TSHZ3: variants seen among roughly 807,000 people sequenced by gnomAD.
TSHZ3 encodes the protein teashirt zinc finger homeobox 3.
A neutral mutation model predicts 64.5 loss-of-function variants in TSHZ3; 10 were observed. The observed-to-expected ratio is 0.16, with a 90% CI of 0.10 to 0.26. The LOEUF (loss-of-function observed/expected upper bound fraction) is 0.26, where lower values mean the gene tolerates loss of function less well. Among genes scored for constraint, TSHZ3 ranks in the 10% least tolerant of loss-of-function variants. The pLI, the probability that TSHZ3 is intolerant of heterozygous loss-of-function variation, is 1.00. For synonymous variants in TSHZ3, 608 were observed against 593.1 expected, an observed-to-expected ratio of 1.03 and a Z score of -0.36; for missense variants, 1,242 against 1,421.7, an observed-to-expected ratio of 0.87 and a Z score of 2.03.
chr19:31,325,163 C>T (rs898243771), intron 1 of TSHZ3, among the ~76,000 whole-genome samples: 5 of 152,162 alleles, frequency 3.3e-5, no homozygotes, highest in Non-Finnish European at 5.9e-5. Flanking sequence ...GCTCTCTGAG[C>T]GACCTCAGGT....
intron 5 of TSHZ3, among the ~76,000 whole-genome samples, chr19:31,174,629 G>C (rs1974582802): frequency 6.6e-6 from 1 of 152,156 alleles, no homozygotes; most frequent in Admixed American, 6.5e-5. Flanking sequence ...TTATGGGTTT[G>C]TCTTCTCTGT....
chr19:31,198,982 AAAG>A (rs1428703972), intron 5 of TSHZ3, among the ~76,000 whole-genome samples: 1 of 152,210 alleles, frequency 6.6e-6, no homozygotes, highest in African/African-American at 2.4e-5. Context: ...TAATATTGAA[AAAG>A]AAGAACAAAG....
At chr19:31,348,995 G>A (rs2021609603) in intron 1 of TSHZ3, 185 bp downstream of exon 1, 1 of 692,748 alleles carries the variant, frequency 1.4e-6, no homozygotes, top group South Asian at 2.1e-5. Flanking sequence ...GCAGAGCGCG[G>A]CGGGGCGTCC....
intron 1 of TSHZ3, among the ~76,000 whole-genome samples, chr19:31,250,209 C>T (rs7254582): frequency 0.018 from 2,724 of 152,362 alleles, 87 homozygotes; most frequent in African/African-American, 0.063. Flanking sequence ...TTCCTCACCC[C>T]TATACCTGCA....
chr19:31,218,559 A>G (rs756820083), intron 4 of TSHZ3, among the ~76,000 whole-genome samples: 2 of 152,208 alleles, frequency 1.3e-5, no homozygotes, highest in Non-Finnish European at 2.9e-5. Context: ...AGATATACCC[A>G]AGAGAAGAGA....
chr19:31,306,516 C>T (rs993077853), intron 1 of TSHZ3, among the ~76,000 whole-genome samples: 1 of 152,162 alleles, frequency 6.6e-6, no homozygotes, highest in African/African-American at 2.4e-5. Context: ...AGAGGGCACA[C>T]GTGCACGTGC....
intron 5 of TSHZ3, among the ~76,000 whole-genome samples, chr19:31,172,799 T>C (rs751983267): frequency 6.6e-6 from 1 of 152,102 alleles, no homozygotes; most frequent in Non-Finnish European, 1.5e-5. Flanking sequence ...TGAGCAAGGA[T>C]TTTAAAATGG....
At chr19:31,320,938 C>T (rs1309485584) in intron 1 of TSHZ3, among the ~76,000 whole-genome samples, 1 of 152,170 alleles carries the variant, frequency 6.6e-6, no homozygotes, top group Non-Finnish European at 1.5e-5. Context: ...ACGGGTCCTG[C>T]TGAGATGTTA....
chr19:31,305,603 C>T (rs567872903), intron 1 of TSHZ3: 1 of 152,178 alleles, frequency 6.6e-6, no homozygotes, highest in African/African-American at 2.4e-5. Flanking sequence ...TAAAGAACCC[C>T]TTATGGAGTT....
intron 1 of TSHZ3, among the ~76,000 whole-genome samples, chr19:31,296,697 G>A (rs1198441550): frequency 2.0e-5 from 3 of 152,186 alleles, no homozygotes; most frequent in Non-Finnish European, 4.4e-5. Context: ...CCTCCTGTGT[G>A]TCAGGCTCTA....
intron 4 of TSHZ3, among the ~76,000 whole-genome samples, chr19:31,225,489 C>T (rs573844981): frequency 6.6e-6 from 1 of 152,316 alleles, no homozygotes; most frequent in South Asian, 2.1e-4. Context: ...ATCTTATGGC[C>T]TCAAACCCCA....
At chr19:31,235,035 G>A (rs1235244859) in intron 3 of TSHZ3, among the ~76,000 whole-genome samples, 1 of 152,028 alleles carries the variant, frequency 6.6e-6, no homozygotes. Flanking sequence ...ATTATTTTAT[G>A]TTTTTCCAGC....
chr19:31,271,998 C>T (rs8104214), downstream of TSHZ3, among the ~76,000 whole-genome samples: 71,177 of 151,808 alleles, frequency 0.47, 18,427 homozygotes, highest in Non-Finnish European at 0.58. Flanking sequence ...CAGAATAAAA[C>T]GCAATTGCAA....
At chr19:31,184,941 TC>T (rs1324624126) in intron 5 of TSHZ3, among the ~76,000 whole-genome samples, 1 of 152,080 alleles carries the variant, frequency 6.6e-6, no homozygotes, top group African/African-American at 2.4e-5. Context: ...TCTTTATTTT[TC>T]CCCCCAAGGG....
chr19:31,339,372 G>A (rs572897894), intron 1 of TSHZ3, among the ~76,000 whole-genome samples: 38 of 152,058 alleles, frequency 2.5e-4, no homozygotes, highest in African/African-American at 8.7e-4. Flanking sequence ...CACCCGCCAC[G>A]CCACGCACCC....
rs1349764194 is a variant in TSHZ3, at chr19:31,152,770, C to A, written n.872-1026G>T. On this transcript the variant is annotated intron_variant and non_coding_transcript_variant, in intron 6 of 6. Transcript: ENST00000651361. Reference sequence around the variant, plus strand: ...TCCTCTGTGCTTCCTTGCTGTGAAACACCTCCACTGTTAACAGCAGCTCCA... The same window carrying A: ...TCCTCTGTGCTTCCTTGCTGTGAAAAACCTCCACTGTTAACAGCAGCTCCA... 2.0e-5 allele frequency among the ~76,000 whole-genome samples: 3 copies of A among 152,250 alleles called. No individual in the cohort carries two copies. In the East Asian group the frequency reaches 5.8e-4, roughly 29 times the overall value.
intron 1 of TSHZ3, among the ~76,000 whole-genome samples, chr19:31,327,758 T>C (rs1307571512): frequency 2.6e-5 from 4 of 152,120 alleles, no homozygotes; most frequent in African/African-American, 7.2e-5. Flanking sequence ...TTACCACATA[T>C]TGAAATAAAA....
chr19:31,173,662 T>G (rs995236302), intron 5 of TSHZ3, among the ~76,000 whole-genome samples: 4 of 152,212 alleles, frequency 2.6e-5, no homozygotes, highest in Non-Finnish European at 4.4e-5. Flanking sequence ...TTTGAACATC[T>G]GGCTGTTTCT....
At chr19:31,260,780 T>C (rs907246187) in intron 1 of TSHZ3, among the ~76,000 whole-genome samples, 4 of 152,120 alleles carry the variant, frequency 2.6e-5, no homozygotes, top group African/African-American at 9.7e-5. Context: ...GAGAATGGCC[T>C]CCTCTTCCTG....
Sources: gnomAD v4.1 joint callset for allele counts (sites outside exome capture counted in the v4.1 genomes callset) on GRCh38, gnomAD v4.1.1 for gene constraint, MANE v1.5 for transcripts, NCBI Gene and HGNC (gene_info 2026-07-23, HGNC 2026-07-21) for gene names.